ZNF248: variants seen among roughly 807,000 people sequenced by gnomAD.
ZNF248 encodes KRAB protein domain.
A neutral mutation model predicts 44.3 loss-of-function variants in ZNF248; 20 were observed. The observed-to-expected ratio is 0.45, with a 90% confidence interval of 0.32 to 0.66. The LOEUF (loss-of-function observed/expected upper bound fraction) is 0.66, where lower values mean the gene tolerates loss of function less well. Ranked by LOEUF, ZNF248 falls within the 30% of genes least tolerant of loss-of-function variation. ZNF248 has a pLI of 0.04. For synonymous variants in ZNF248, 224 were observed against 229.0 expected, an observed-to-expected ratio of 0.98 and a Z score of 0.20; for missense variants, 654 against 677.0, an observed-to-expected ratio of 0.97 and a Z score of 0.38.
At chr10:37,773,726 T>G (rs1332512506), downstream of ZNF248, among the ~76,000 whole-genome samples, 1 of 152,168 alleles carries the variant, frequency 6.6e-6, no homozygotes, top group Non-Finnish European at 1.5e-5. Flanking sequence ...CATGTCCTCA[T>G]CTCTCTTTCT....
At chr10:37,820,057 A>G in intron 6 of ZNF248, 2 of 821,754 alleles carry the variant, frequency 2.4e-6, no homozygotes, top group Non-Finnish European at 4.3e-6. Flanking sequence ...TCACACATCT[A>G]TTTAATCATC....
intron 3 of ZNF248, among the ~76,000 whole-genome samples, chr10:37,843,601 G>A (rs1054023585): frequency 5.3e-5 from 8 of 152,046 alleles, no homozygotes; most frequent in Non-Finnish European, 8.8e-5. Flanking sequence ...CCTTCCTTAA[G>A]GAAGCCCAGA....
At chr10:37,769,512 T>C in the ZNF248 span, among the ~76,000 whole-genome samples, 2 of 152,094 alleles carry the variant, frequency 1.3e-5, no homozygotes, top group Admixed American at 1.3e-4. Flanking sequence ...ACAGAACCAA[T>C]GACAAAAACC....
intron 6 of ZNF248, among the ~76,000 whole-genome samples, chr10:37,806,841 C>T (rs1266754952): frequency 1.3e-5 from 2 of 152,044 alleles, no homozygotes; most frequent in Non-Finnish European, 2.9e-5. Context: ...ATTAAGCTTT[C>T]CCCCTGTGTT....
At chr10:37,769,706 C>T in the ZNF248 span, among the ~76,000 whole-genome samples, 1 of 152,256 alleles carries the variant, frequency 6.6e-6, no homozygotes, top group African/African-American at 2.4e-5. Context: ...CCTTTGAAAA[C>T]TGGCACAAGA....
At chr10:37,788,278 A>G (rs1032762921) in intron 6 of ZNF248, among the ~76,000 whole-genome samples, 8 of 151,162 alleles carry the variant, frequency 5.3e-5, no homozygotes, top group South Asian at 2.1e-4. Flanking sequence ...AAAAAAAAAA[A>G]AAAGAAAACA....
intron 6 of ZNF248, among the ~76,000 whole-genome samples, chr10:37,793,071 C>T (rs1779207979): frequency 6.6e-6 from 1 of 152,102 alleles, no homozygotes; most frequent in Non-Finnish European, 1.5e-5. Context: ...CGGTGGCTCA[C>T]ACCTGTAATC....
rs1161819370 is a variant in ZNF248 at position 37,830,720 on chromosome 10, C to G, written c.*895G>C. The G allele has an allele frequency of 1.1e-5, 5 of 462,962 alleles. No individual in the cohort carries two copies. Among genetic ancestry groups the G allele is most frequent in the Non-Finnish European group, 1.4e-5 (5 of 352,622 alleles). The allele number at this position is 462,962 out of a possible 1,614,324, so 28.7% of individuals were successfully genotyped here. ...AACACTCCCACTAAGTCCAAGCTAC[C>G]AAGACAGCACTGAATGTGGAGCTGG... On this transcript the variant is annotated 3_prime_UTR_variant, in exon 6 of 6. Coordinates refer to ENST00000395867, the MANE Select transcript of ZNF248 (RefSeq NM_021045.3).
chr10:37,800,032 A>T (rs539445918), intron 6 of ZNF248, among the ~76,000 whole-genome samples: 1 of 151,942 alleles, frequency 6.6e-6, no homozygotes, highest in South Asian at 2.1e-4. Flanking sequence ...ACATAATGAG[A>T]CTCTGTCTCT....
At chr10:37,798,760 T>C (rs757954598) in intron 6 of ZNF248, among the ~76,000 whole-genome samples, 3 of 152,114 alleles carry the variant, frequency 2.0e-5, no homozygotes, top group Non-Finnish European at 4.4e-5. Flanking sequence ...AAAATGCACA[T>C]GTAAAAACTT....
intron 6 of ZNF248, among the ~76,000 whole-genome samples, chr10:37,817,674 T>C (rs2052725047): frequency 1.3e-5 from 2 of 151,984 alleles, no homozygotes; most frequent in East Asian, 1.9e-4. Context: ...CTTTCAAATA[T>C]AAAAAAGGGG....
intron 6 of ZNF248, chr10:37,821,101 GC>G: frequency 1.8e-6 from 1 of 566,052 alleles, no homozygotes; most frequent in South Asian, 2.3e-5. Context: ...TCCTCATGCT[GC>G]CATTGTGGAA....
intron 3 of ZNF248, among the ~76,000 whole-genome samples, chr10:37,842,744 T>C (rs1035420328): frequency 6.6e-6 from 1 of 152,146 alleles, no homozygotes; most frequent in Non-Finnish European, 1.5e-5. Context: ...AGGATTATGG[T>C]TGAGACATAT....
chr10:37,851,240 T>G (rs144637539), intron 3 of ZNF248, among the ~76,000 whole-genome samples: 37 of 152,288 alleles, frequency 2.4e-4, no homozygotes, highest in Middle Eastern at 3.4e-3. Flanking sequence ...GACATGGATT[T>G]ACGAAGACAA....
Position 37,828,882 on chromosome 10 carries a change from A to C in ZNF248, c.*2733T>G. On this transcript the variant is annotated 3_prime_UTR_variant, in exon 6 of 6. Coordinates refer to ENST00000395867, the MANE Select transcript of ZNF248 (RefSeq NM_021045.3). The stretch of plus-strand genomic sequence containing the variant: ...TAATTTAATATAATGTCTGCTTCAC[A>C]CATGTTGAAGGAGAGACATACCTGT... 1.0e-6 allele frequency: 1 copy of C among 985,410 alleles called. No individual in the cohort carries two copies. The highest frequency in any genetic ancestry group is 1.2e-6 in the Non-Finnish European group (1 of 829,898). 61.0% of individuals were successfully genotyped at this position (985,410 alleles called of 1,614,324 possible). A position where few individuals can be genotyped will look rare whatever the true frequency, so the allele number is the denominator to read the frequency against.
At chr10:37,784,967 C>T (rs2047718902) in intron 6 of ZNF248, among the ~76,000 whole-genome samples, 1 of 151,956 alleles carries the variant, frequency 6.6e-6, no homozygotes, top group Admixed American at 6.6e-5. Context: ...GCGTCTCCTG[C>T]CGCCAAAAAA....
downstream of ZNF248, among the ~76,000 whole-genome samples, chr10:37,772,557 TG>T (rs2046299270): frequency 6.6e-6 from 1 of 152,146 alleles, no homozygotes; most frequent in African/African-American, 2.4e-5. Flanking sequence ...TATGTAAATA[TG>T]GGTAAATACT....
downstream of ZNF248, among the ~76,000 whole-genome samples, chr10:37,826,046 A>T (rs1041886740): frequency 3.3e-5 from 5 of 152,308 alleles, no homozygotes; most frequent in African/African-American, 1.2e-4. Context: ...TGTAGATAAA[A>T]TATTGTTGAT....
At chr10:37,834,467 T>C (rs2056665677) in intron 5 of ZNF248, among the ~76,000 whole-genome samples, 1 of 152,154 alleles carries the variant, frequency 6.6e-6, no homozygotes, top group Non-Finnish European at 1.5e-5. Context: ...TAGAATACTT[T>C]CAGAATGTAT....
Sources: gnomAD v4.1 joint callset for allele counts (sites outside exome capture counted in the v4.1 genomes callset) on GRCh38, gnomAD v4.1.1 for gene constraint, MANE v1.5 for transcripts, NCBI Gene and HGNC (gene_info 2026-07-23, HGNC 2026-07-21) for gene names.